NOS1AP: variants seen among roughly 807,000 people sequenced by gnomAD.
The protein encoded by NOS1AP is carboxyl-terminal PDZ ligand of neuronal nitric oxide synthase protein.
A neutral mutation model predicts 56.2 loss-of-function variants in NOS1AP; 21 were observed. That is an observed-to-expected ratio of 0.37 (90% CI 0.26 to 0.54). NOS1AP has a LOEUF of 0.54. Ranked by LOEUF, NOS1AP falls within the 20% of genes least tolerant of loss-of-function variation. The probability of loss-of-function intolerance (pLI) is 0.84; values close to 1 mark genes in which losing one functional copy is unlikely to be tolerated. For synonymous variants in NOS1AP, 270 were observed against 274.6 expected, an observed-to-expected ratio of 0.98 and a Z score of 0.17; for missense variants, 522 against 657.8, an observed-to-expected ratio of 0.79 and a Z score of 2.26.
At chr1:162,124,926 G>A (rs572456883) in intron 1 of NOS1AP, among the ~76,000 whole-genome samples, 1 of 152,258 alleles carries the variant, frequency 6.6e-6, no homozygotes, top group East Asian at 1.9e-4. Flanking sequence ...GATGTATGCA[G>A]GTGTCTTTTT....
chr1:162,143,893 G>A (rs138691373), intron 1 of NOS1AP, among the ~76,000 whole-genome samples: 6 of 152,108 alleles, frequency 3.9e-5, no homozygotes, highest in Admixed American at 3.3e-4. Flanking sequence ...TTGGTGCTGC[G>A]CAAAGCTGAG....
intron 1 of NOS1AP, among the ~76,000 whole-genome samples, chr1:162,087,951 A>G (rs115527613): frequency 0.048 from 7,342 of 152,180 alleles, 216 homozygotes; most frequent in African/African-American, 0.077. Context: ...TATGTTCTCA[A>G]ATATTTATAC....
At chr1:162,118,344 A>T (rs561690967) in intron 1 of NOS1AP, among the ~76,000 whole-genome samples, 17 of 152,310 alleles carry the variant, frequency 1.1e-4, no homozygotes, top group Middle Eastern at 3.4e-3. Context: ...TATAAGCGAG[A>T]ACATGTAGTA....
intron 5 of NOS1AP, among the ~76,000 whole-genome samples, chr1:162,336,974 T>C (rs1009753698): frequency 1.3e-5 from 2 of 152,220 alleles, no homozygotes. Context: ...TGCTTGCTAA[T>C]AACATGGGCA....
chr1:162,233,777 G>A (rs992166325), intron 2 of NOS1AP, among the ~76,000 whole-genome samples: 1 of 152,230 alleles, frequency 6.6e-6, no homozygotes, highest in Non-Finnish European at 1.5e-5. Flanking sequence ...GCCAGGACTT[G>A]TGAGGATTTT....
rs771750757 is a variant in NOS1AP, at chr1:162,300,642, T to A, written c.280T>A (p.Leu94Met). 6.2e-7 allele frequency: 1 copy of A among 1,613,862 alleles called. No homozygotes were observed. The highest frequency in any genetic ancestry group is 2.2e-5 in the East Asian group (1 of 44,900). Residue 94 changes from leucine to methionine, a missense_variant, in exon 4 of 10, where the codon TTG (leucine) becomes ATG (methionine). Physicochemically the swap from Leu to Met is conservative, Grantham distance 15. Coordinates refer to ENST00000361897, the MANE Select transcript of NOS1AP (RefSeq NM_014697.3). Reference sequence around the variant, plus strand: ...ACTTATTCATTTACAGCTTCTTTTATTGCAGAAAAAGGAATGGACGTGGGA... The same window carrying A: ...ACTTATTCATTTACAGCTTCTTTTAATGCAGAAAAAGGAATGGACGTGGGA... ...ILKKKKKLLL[L>M]QKKEWTWDES...
At chr1:162,290,551 C>G (rs1655255914) in intron 3 of NOS1AP, among the ~76,000 whole-genome samples, 1 of 152,212 alleles carries the variant, frequency 6.6e-6, no homozygotes. Context: ...GCAAATGTCA[C>G]TGATCACCAT....
At chr1:162,336,087 G>A (rs2101798817) in intron 5 of NOS1AP, among the ~76,000 whole-genome samples, 1 of 152,206 alleles carries the variant, frequency 6.6e-6, no homozygotes, top group Middle Eastern at 3.4e-3. Context: ...CATGGTACCT[G>A]CTATTCTTCT....
chr1:162,284,060 C>T (rs1655018355), intron 2 of NOS1AP, among the ~76,000 whole-genome samples: 1 of 152,214 alleles, frequency 6.6e-6, no homozygotes, highest in Non-Finnish European at 1.5e-5. Context: ...AGTGCTCCAC[C>T]TTGGAGCAGC....
intron 1 of NOS1AP, among the ~76,000 whole-genome samples, chr1:162,082,557 A>T (rs1691918322): frequency 1.3e-5 from 2 of 152,172 alleles, no homozygotes; most frequent in South Asian, 4.1e-4. Context: ...TCCCACCAAC[A>T]GTCTATAAGG....
chr1:162,183,248 G>A (rs1324911299), intron 2 of NOS1AP, among the ~76,000 whole-genome samples: 1 of 152,312 alleles, frequency 6.6e-6, no homozygotes, highest in East Asian at 1.9e-4. Context: ...ATATATTTCT[G>A]AGCAGTAGGT....
chr1:162,119,032 C>T (rs1329427949), intron 1 of NOS1AP, among the ~76,000 whole-genome samples: 1 of 152,174 alleles, frequency 6.6e-6, no homozygotes, highest in African/African-American at 2.4e-5. Flanking sequence ...TAAGGCAAAT[C>T]ATGTGAGAGC....
Position 162,367,585 on chromosome 1 carries a change from C to T in NOS1AP, c.*118C>T. On this transcript the variant is annotated 3_prime_UTR_variant, in exon 10 of 10. Transcript: ENST00000361897. The surrounding 1 kb of genome is among the most constrained non-coding windows in gnomAD (Gnocchi z 6.5). ...GCCGAGGAGAATGCCAGCCAGGGCC[C>T]GGGAGAGTGTGAGGTTTCAGGAAAG... is the stretch of plus-strand genomic sequence containing the variant. The T allele has an allele frequency of 2.6e-6, 3 of 1,142,334 alleles. No individual in the cohort carries two copies. The highest frequency in any genetic ancestry group is 3.6e-6 in the Non-Finnish European group (3 of 826,066). The allele number at this position is 1,142,334 out of a possible 1,614,324, so 70.8% of individuals were successfully genotyped here. A position where few individuals can be genotyped will look rare whatever the true frequency, so the allele number is the denominator to read the frequency against.
chr1:162,264,469 C>CCTCCCCTCCCCTGT (rs373124349), intron 2 of NOS1AP, among the ~76,000 whole-genome samples: 3 of 31,854 alleles, frequency 9.4e-5, no homozygotes, highest in Admixed American at 4.2e-4. Context: ...TCTTCTCCTC[C>CCTCCCCTCCCCTGT]CCTCCCCTCC....
intron 2 of NOS1AP, among the ~76,000 whole-genome samples, chr1:162,211,004 T>C (rs1184361833): frequency 1.3e-5 from 2 of 152,212 alleles, no homozygotes; most frequent in Non-Finnish European, 2.9e-5. Context: ...AGTTGGTCTC[T>C]TGCTACTCTG....
chr1:162,099,506 A>T (rs1274387362), intron 1 of NOS1AP, among the ~76,000 whole-genome samples: 4 of 151,948 alleles, frequency 2.6e-5, no homozygotes. Flanking sequence ...ACTTTTTAAT[A>T]ATGGCCATTC....
chr1:162,083,220 G>A (rs1163097866), intron 1 of NOS1AP, among the ~76,000 whole-genome samples: 1 of 152,054 alleles, frequency 6.6e-6, no homozygotes, highest in Non-Finnish European at 1.5e-5. Context: ...TATCTTGACT[G>A]TAAACTCTTT....
chr1:162,082,710 A>G (rs566834651), intron 1 of NOS1AP, among the ~76,000 whole-genome samples: 2 of 151,932 alleles, frequency 1.3e-5, no homozygotes, highest in East Asian at 1.9e-4. Context: ...CTTTTTTTGC[A>G]TATGTTTATT....
At chr1:162,206,818 C>A (rs1652179097) in intron 2 of NOS1AP, among the ~76,000 whole-genome samples, 1 of 152,284 alleles carries the variant, frequency 6.6e-6, no homozygotes, top group African/African-American at 2.4e-5. Context: ...GAGCCTCGAT[C>A]TCTTTGAGTG....
Sources: gnomAD v4.1 joint callset for allele counts (sites outside exome capture counted in the v4.1 genomes callset) on GRCh38, gnomAD v4.1.1 for gene constraint, Gnocchi (gnomAD v3.1) non-coding constraint, MANE v1.5 for transcripts, NCBI Gene and HGNC (gene_info 2026-07-23, HGNC 2026-07-21) for gene names.